Variants in RYR2 observed in about 807,000 individuals in gnomAD.
RYR2 encodes the protein cardiac muscle ryanodine receptor-calcium release channel.
A neutral mutation model predicts 601.1 loss-of-function variants in RYR2; 227 were observed. The observed-to-expected ratio is 0.38, with a 90% CI of 0.34 to 0.42. RYR2 has a LOEUF of 0.42. Ranked by LOEUF, RYR2 falls within the 10% of genes least tolerant of loss-of-function variation. The probability of loss-of-function intolerance (pLI) is 1.00; values close to 1 mark genes in which losing one functional copy is unlikely to be tolerated. For synonymous variants in RYR2, 2,223 were observed against 2,175.1 expected (o/e 1.02, Z -0.61); for missense variants, 4,646 against 6,156.5 (o/e 0.75, Z 8.21).
intron 64 of RYR2, among the ~76,000 whole-genome samples, chr1:237,700,022 A>T (rs1049876699): frequency 4.6e-5 from 7 of 152,234 alleles, no homozygotes; most frequent in African/African-American, 1.7e-4. Flanking sequence ...TAAGTTGACT[A>T]TGAAGGCATT....
chr1:237,324,697 G>A (rs1183352806), intron 2 of RYR2, among the ~76,000 whole-genome samples: 2 of 152,122 alleles, frequency 1.3e-5, no homozygotes, highest in Non-Finnish European at 2.9e-5. Flanking sequence ...AGCTCAGCCC[G>A]ACTCCCCTGA....
chr1:237,281,605 G>A (rs1371940044), intron 2 of RYR2, among the ~76,000 whole-genome samples: 3 of 152,212 alleles, frequency 2.0e-5, no homozygotes, highest in African/African-American at 7.2e-5. Flanking sequence ...CTTACAAAGT[G>A]CGTAGCCAGT....
Position 237,803,311 on chromosome 1 carries a change from C to CTTTTTT in RYR2, c.14151+1400_14151+1405dup, listed in dbSNP as rs10637217. ...CCTTTTCCTCAGTCTTTGCATTTTT[C>CTTTTTT]TTTTTTTTTTGAGACAGAGTCTTGC... On this transcript the variant is annotated intron_variant, in intron 98 of 104. Transcript: ENST00000366574. Among the ~76,000 whole-genome samples, 5 of 148,040 alleles carry CTTTTTT rather than the reference C, an allele frequency of 3.4e-5. 1 individual carries two copies. Among genetic ancestry groups the CTTTTTT allele is most frequent in the South Asian group, 2.1e-4 (1 of 4,658 alleles).
chr1:237,797,197 C>T (rs1659357672), intron 96 of RYR2, among the ~76,000 whole-genome samples: 1 of 151,996 alleles, frequency 6.6e-6, no homozygotes, highest in Non-Finnish European at 1.5e-5. Context: ...GTGAGCACAT[C>T]CAAGCCCTGC....
At chr1:237,506,454 T>C (rs1383147781) in intron 22 of RYR2, among the ~76,000 whole-genome samples, 3 of 151,040 alleles carry the variant, frequency 2.0e-5, no homozygotes, top group East Asian at 3.9e-4. Flanking sequence ...AGGAGAATGG[T>C]GTGAACCCGA....
At chr1:237,097,293 C>G (rs1328386593) in intron 1 of RYR2, among the ~76,000 whole-genome samples, 1 of 152,056 alleles carries the variant, frequency 6.6e-6, no homozygotes, top group Non-Finnish European at 1.5e-5. Context: ...GATTTAAGAC[C>G]TTGAGTTAAA....
In RYR2 at chr1:237,511,732, C is replaced by A; in HGVS notation, c.2763C>A (p.Phe921Leu). Residue 921 changes from phenylalanine (F) to leucine (L), a missense_variant, in exon 24 of 105, where the codon TTC (phenylalanine) becomes TTA (leucine). Phe to Leu is a conservative substitution (Grantham distance 22). Around this residue, in one of 17 missense-constraint regions of RYR2, gnomAD observed 1,807 missense variants for 2,088.1 expected, o/e 0.87. Transcript: ENST00000366574. ...GACAACACCCATGCCTGGTGGAGTT[C>A]TCCAAGCTGCCTGAACAGGAGCGCA... ...NKRQHPCLVEFSKLPEQERNY... is the reference protein window; with the variant it reads ...NKRQHPCLVELSKLPEQERNY... 6.4e-7 allele frequency: 1 copy of A among 1,572,706 alleles called. No homozygotes were observed. The highest frequency in any genetic ancestry group is 8.6e-7 in the Non-Finnish European group (1 of 1,157,220).
chr1:237,507,622 A>G (rs973613960), intron 23 of RYR2, among the ~76,000 whole-genome samples: 2 of 152,246 alleles, frequency 1.3e-5, no homozygotes, highest in Admixed American at 1.3e-4. Context: ...AGTAATATTT[A>G]TATATTTATT....
intron 1 of RYR2, among the ~76,000 whole-genome samples, chr1:237,197,269 G>T (rs1231022361): frequency 6.6e-6 from 1 of 152,164 alleles, no homozygotes; most frequent in East Asian, 1.9e-4. Flanking sequence ...GGGTTCAACA[G>T]AAGTGGTAAA....
At chr1:237,360,297 T>G (rs1699671105) in intron 4 of RYR2, among the ~76,000 whole-genome samples, 1 of 152,226 alleles carries the variant, frequency 6.6e-6, no homozygotes, top group South Asian at 2.1e-4. Context: ...ATTTGCCCTC[T>G]GTAGAAATCA....
chr1:237,308,400 A>G (rs1694115679), intron 2 of RYR2, among the ~76,000 whole-genome samples: 1 of 152,132 alleles, frequency 6.6e-6, no homozygotes, highest in Admixed American at 6.5e-5. Context: ...CGTTCTTAAT[A>G]AACTTGCTTT....
intron 2 of RYR2, among the ~76,000 whole-genome samples, chr1:237,314,063 C>CTTTT (rs397983391): frequency 3.3e-4 from 27 of 82,336 alleles, no homozygotes; most frequent in East Asian, 7.9e-4. Flanking sequence ...ACATGAATTT[C>CTTTT]TTTTTTTTTT....
intron 73 of RYR2, among the ~76,000 whole-genome samples, chr1:237,721,432 CTATT>C (rs1229769721): frequency 1.4e-4 from 22 of 152,148 alleles, no homozygotes; most frequent in Admixed American, 1.4e-3. Context: ...TAGATGTCAT[CTATT>C]TATTTCTGCT....
chr1:237,323,051 A>G (rs909207369), intron 2 of RYR2, among the ~76,000 whole-genome samples: 2 of 151,838 alleles, frequency 1.3e-5, no homozygotes, highest in Non-Finnish European at 2.9e-5. Context: ...AGACTCCATA[A>G]CTCTTCAAAT....
chr1:237,271,882 G>A (rs1371341580), intron 2 of RYR2, among the ~76,000 whole-genome samples: 1 of 152,138 alleles, frequency 6.6e-6, no homozygotes, highest in East Asian at 1.9e-4. Context: ...TGTAGTCCCA[G>A]CACTTTGGGA....
At chr1:237,545,274 A>G (rs1669678903) in intron 25 of RYR2, among the ~76,000 whole-genome samples, 1 of 152,262 alleles carries the variant, frequency 6.6e-6, no homozygotes, top group Admixed American at 6.5e-5. Flanking sequence ...GCACATTAGC[A>G]TAACTTGTCT....
rs746874040 is a variant in RYR2, at chr1:237,617,263, G to C, written c.5716-23G>C. On this transcript the variant is annotated intron_variant, in intron 37 of 104. Transcript: ENST00000366574. Reference sequence around the variant, plus strand: ...TTAAAGGATTTAGAAATTAAATTTGGTGTCTTTTTAATGGTCTCTTAGATG... The same window carrying C: ...TTAAAGGATTTAGAAATTAAATTTGCTGTCTTTTTAATGGTCTCTTAGATG... 24 of 1,571,290 alleles carry C rather than the reference G, an allele frequency of 1.5e-5. 1 individual carries two copies. The Middle Eastern group carries it at 5.1e-4, about 33-fold the overall frequency.
intron 29 of RYR2, among the ~76,000 whole-genome samples, chr1:237,584,647 C>CTTTTTTT (rs1674299637): frequency 9.2e-5 from 7 of 75,734 alleles, no homozygotes; most frequent in South Asian, 4.8e-4. Context: ...AGCTCACCAC[C>CTTTTTTT]TGTTTTTTTT....
chr1:237,574,764 G>T (rs1673056022), intron 29 of RYR2, among the ~76,000 whole-genome samples: 1 of 152,072 alleles, frequency 6.6e-6, no homozygotes, highest in African/African-American at 2.4e-5. Context: ...CAGTTCTACA[G>T]CCCAAGGAAC....
Sources: allele counts gnomAD v4.1 joint callset (sites outside exome capture counted in the v4.1 genomes callset), GRCh38; gene constraint gnomAD v4.1.1; regional missense constraint gnomAD v4.1.1; transcripts MANE v1.5; gene names NCBI Gene and HGNC (gene_info 2026-07-23, HGNC 2026-07-21).